CMTM8: variants seen among roughly 807,000 people sequenced by gnomAD.
The protein encoded by CMTM8 is CKLF like MARVEL transmembrane domain containing 8, also known as CKLF-like MARVEL transmembrane domain-containing protein 8.
A neutral mutation model predicts 18.6 loss-of-function variants in CMTM8; 12 were observed. The ratio of observed to expected loss-of-function variants is 0.65; its 90% CI spans 0.41 to 1.05. The LOEUF is 1.05. Among genes scored for constraint, CMTM8 ranks in the 50% least tolerant of loss-of-function variants. The probability of loss-of-function intolerance (pLI) is 0.00; values close to 1 mark genes in which losing one functional copy is unlikely to be tolerated. For synonymous variants in CMTM8, 87 were observed against 90.6 expected, an observed-to-expected ratio of 0.96 and a Z score of 0.23; for missense variants, 217 against 227.2, an observed-to-expected ratio of 0.95 and a Z score of 0.29.
chr3:32,265,674 T>A (rs1416233209), intron 1 of CMTM8, among the ~76,000 whole-genome samples: 1 of 152,134 alleles, frequency 6.6e-6, no homozygotes, highest in Admixed American at 6.6e-5. Flanking sequence ...AGCTGTTTTT[T>A]TGAAAAGATC....
At chr3:32,280,187 A>AG (rs1397981660) in intron 1 of CMTM8, among the ~76,000 whole-genome samples, 2 of 152,092 alleles carry the variant, frequency 1.3e-5, no homozygotes, top group African/African-American at 4.8e-5. Flanking sequence ...GGCATAAGTG[A>AG]GGGGGGAGAA....
At position 32,333,015 on chromosome 3, in the gene CMTM8, G is replaced by A. The variant is rs924207690; in HGVS notation, c.148-24358G>A. Among the ~76,000 whole-genome samples the A allele has an allele frequency of 9.8e-5, 15 of 152,286 alleles. No individual in the cohort carries two copies. In the South Asian group the frequency reaches 2.5e-3, roughly 25 times the overall value. On this transcript the variant is annotated intron_variant, in intron 1 of 3. Transcript: ENST00000307526. Reference sequence around the variant, plus strand: ...GTGTTTTTAATGTACATAGATGGTAGCAGTCTAGAACAGCAGTTGGCAAAC... The same window carrying A: ...GTGTTTTTAATGTACATAGATGGTAACAGTCTAGAACAGCAGTTGGCAAAC...
rs897934557 is a variant in CMTM8, at chr3:32,350,482, C to A, written c.148-6891C>A. 4.0e-5 allele frequency among the ~76,000 whole-genome samples: 6 copies of A among 151,030 alleles called. No homozygotes were observed. In the South Asian group the frequency reaches 1.3e-3, roughly 32 times the overall value. ...AAGCAATTCTTCTGCCTCAGCCTCCCGAGTAGCTGGGATTACAGGTGCGTG... is the reference window on the plus strand; with the variant it reads ...AAGCAATTCTTCTGCCTCAGCCTCCAGAGTAGCTGGGATTACAGGTGCGTG... On this transcript the variant is annotated intron_variant, in intron 1 of 3. Coordinates refer to ENST00000307526, the MANE Select transcript of CMTM8 (RefSeq NM_178868.5).
At position 32,358,102 on chromosome 3, in the gene CMTM8, G is replaced by T. The variant is rs923670188; in HGVS notation, c.321+556G>T. ...CTCATCCTGGCTCTGGCACCATGCT[G>T]GATGCAGGATGGTGAACATGTGGTC... On this transcript the variant is annotated intron_variant, in intron 2 of 3. Coordinates refer to ENST00000307526, the MANE Select transcript of CMTM8 (RefSeq NM_178868.5). The surrounding 1 kb of genome is among the most constrained non-coding windows in gnomAD (Gnocchi z 4.1). Among the ~76,000 whole-genome samples, 3 of 152,216 alleles carry T rather than the reference G, an allele frequency of 2.0e-5. No homozygotes were observed. Among genetic ancestry groups the T allele is most frequent in the Admixed American group, 2.0e-4 (3 of 15,282 alleles).
At chr3:32,339,361 G>C (rs1575183581) in intron 1 of CMTM8, among the ~76,000 whole-genome samples, 1 of 152,288 alleles carries the variant, frequency 6.6e-6, no homozygotes, top group East Asian at 1.9e-4. Flanking sequence ...TTCTGTTCTG[G>C]AATAGAGTAC....
intron 1 of CMTM8, among the ~76,000 whole-genome samples, chr3:32,326,778 A>C (rs190052114): frequency 4.2e-4 from 64 of 152,218 alleles, no homozygotes; most frequent in African/African-American, 1.5e-3. Flanking sequence ...GGCCTCCCAA[A>C]GTGCTAGGAT....
intron 1 of CMTM8, among the ~76,000 whole-genome samples, chr3:32,336,166 T>C (rs748692873): frequency 4.6e-5 from 7 of 152,262 alleles, no homozygotes; most frequent in Admixed American, 2.0e-4. Flanking sequence ...TTTTGATACA[T>C]GCACAGTTGT....
intron 1 of CMTM8, among the ~76,000 whole-genome samples, chr3:32,354,159 T>G (rs1163010197): frequency 7.1e-6 from 1 of 141,428 alleles, no homozygotes; most frequent in Non-Finnish European, 1.6e-5. Context: ...AAAAAAAAAG[T>G]CTTAGCCTAA....
At position 32,369,890 on chromosome 3, in the gene CMTM8, G is replaced by A. The variant is rs1052344116; in HGVS notation, c.445G>A (p.Ala149Thr). 1.2e-6 allele frequency: 2 copies of A among 1,606,842 alleles called. No individual in the cohort carries two copies. Among genetic ancestry groups the A allele is most frequent in the South Asian group, 2.2e-5 (2 of 90,374 alleles). Residue 149 changes from alanine to threonine, a missense_variant, in exon 4 of 4, where the codon GCC (alanine) becomes ACC (threonine). By Grantham distance (58) the Ala-to-Thr change is moderately conservative (BLOSUM62 0). Transcript: ENST00000307526. ...FNSWAASSFF[A>T]FLVTICYAGN... ...TATGCTTTGTTTTCTCCAGTTCTTT[G>A]CCTTCCTGGTCACCATCTGCTACGC...
intron 1 of CMTM8, among the ~76,000 whole-genome samples, chr3:32,348,529 CT>C (rs56252781): frequency 3.2e-4 from 33 of 102,038 alleles, no homozygotes; most frequent in Admixed American, 5.0e-4. Flanking sequence ...CTTCCTGGAA[CT>C]TTTTTTTTTT....
chr3:32,340,922 T>C (rs928252257), intron 1 of CMTM8, among the ~76,000 whole-genome samples: 1 of 152,248 alleles, frequency 6.6e-6, no homozygotes, highest in African/African-American at 2.4e-5. Context: ...CAGGTGCCCA[T>C]AGCCTATTTA....
chr3:32,265,769 G>A (rs1333384362), intron 1 of CMTM8, among the ~76,000 whole-genome samples: 1 of 152,078 alleles, frequency 6.6e-6, no homozygotes, highest in Non-Finnish European at 1.5e-5. Flanking sequence ...TGATAAAGAG[G>A]ATATCACCAC....
Position 32,367,879 on chromosome 3 carries a change from GCTTTAACGGCAGTGCCTTCGT to G in CMTM8, c.333_353del (p.Phe111_Val117del). 1 of 1,613,092 alleles carries G rather than the reference GCTTTAACGGCAGTGCCTTCGT, an allele frequency of 6.2e-7. No homozygotes were observed. Among genetic ancestry groups the G allele is most frequent in the Non-Finnish European group, 8.5e-7 (1 of 1,179,278 alleles). ...GCCCCTGTGTCCCCCCAGGGCCTGT[GCTTTAACGGCAGTGCCTTCGT>G]CTTGTACCTCTCTGCCGCTGTTGTA... On this transcript the variant is annotated inframe_deletion, in exon 3 of 4. Transcript: ENST00000307526.
chr3:32,343,859 C>G (rs1021656944), intron 1 of CMTM8, among the ~76,000 whole-genome samples: 1 of 152,178 alleles, frequency 6.6e-6, no homozygotes. Flanking sequence ...GCCACCACGC[C>G]TGGCTAATTT....
At chr3:32,281,928 C>T (rs1005237897) in intron 1 of CMTM8, among the ~76,000 whole-genome samples, 1 of 152,110 alleles carries the variant, frequency 6.6e-6, no homozygotes, top group African/African-American at 2.4e-5. Context: ...TTCCTGGTGC[C>T]TCCTTATCTC....
At chr3:32,357,941 A>C (rs1696849068) in intron 2 of CMTM8, among the ~76,000 whole-genome samples, 1 of 152,218 alleles carries the variant, frequency 6.6e-6, no homozygotes, top group Non-Finnish European at 1.5e-5. Context: ...CTGTGGCCTT[A>C]ACCCTTTGTA....
At chr3:32,362,036 A>ATT (rs1696941501) in intron 2 of CMTM8, among the ~76,000 whole-genome samples, 1 of 23,312 alleles carries the variant, frequency 4.3e-5, no homozygotes, top group Non-Finnish European at 1.0e-4. Flanking sequence ...AGCAGCTACT[A>ATT]TTTTCTTTTC....
chr3:32,288,634 A>G (rs141193202), intron 1 of CMTM8, among the ~76,000 whole-genome samples: 3,903 of 151,974 alleles, frequency 0.026, 106 homozygotes, highest in African/African-American at 0.066. Flanking sequence ...CTGAGTAGCT[A>G]GGACTACAGG....
At chr3:32,298,819 G>A (rs1362959337) in intron 1 of CMTM8, among the ~76,000 whole-genome samples, 45 of 101,138 alleles carry the variant, frequency 4.4e-4, no homozygotes, top group Non-Finnish European at 7.4e-4. Flanking sequence ...ATATATACAC[G>A]TGTGTATGTG....
Sources: allele counts gnomAD v4.1 joint callset (sites outside exome capture counted in the v4.1 genomes callset), GRCh38; gene constraint gnomAD v4.1.1; non-coding constraint Gnocchi (gnomAD v3.1); transcripts MANE v1.5; gene names NCBI Gene and HGNC (gene_info 2026-07-23, HGNC 2026-07-21).